Variants in TRAF3IP3 observed in about 807,000 individuals in gnomAD.
TRAF3IP3 encodes the protein TRAF3 interacting protein 3, also known as TRAF3-interacting JNK-activating modulator.
Under a neutral mutation model 86.5 loss-of-function variants are expected in TRAF3IP3, and 64 were observed. That is an observed-to-expected ratio of 0.74 (90% CI 0.60 to 0.91). TRAF3IP3 has a LOEUF of 0.91. Ranked by LOEUF, TRAF3IP3 falls within the 40% of genes least tolerant of loss-of-function variation. The probability of loss-of-function intolerance (pLI) is 0.00; values close to 1 mark genes in which losing one functional copy is unlikely to be tolerated. For synonymous variants in TRAF3IP3, 220 were observed against 243.9 expected, an observed-to-expected ratio of 0.90 and a Z score of 0.91; for missense variants, 579 against 642.9, an observed-to-expected ratio of 0.90 and a Z score of 1.07.
In TRAF3IP3 at chr1:209,782,250, T is replaced by C; in HGVS notation, c.*102T>C. ...TACAGCTTGGGTTTTCCAACTGACT[T>C]AGGATTTCTGACTTTTTATTAATTT... On this transcript the variant is annotated 3_prime_UTR_variant, in exon 17 of 17. Coordinates refer to ENST00000367025, the MANE Select transcript of TRAF3IP3 (RefSeq NM_025228.4). 1.1e-6 allele frequency: 1 copy of C among 879,646 alleles called. No individual in the cohort carries two copies. The highest frequency in any genetic ancestry group is 1.9e-6 in the Non-Finnish European group (1 of 529,840). 54.5% of individuals were successfully genotyped at this position (879,646 alleles called of 1,614,324 possible).
Position 209,779,454 on chromosome 1 carries a change from C to A in TRAF3IP3, c.1312+80C>A, listed in dbSNP as rs2077730830. 16 of 1,229,886 alleles carry A rather than the reference C, an allele frequency of 1.3e-5. No individual in the cohort carries two copies. The East Asian group carries it at 3.8e-4, about 29-fold the overall frequency. The allele number at this position is 1,229,886 out of a possible 1,614,324, so 76.2% of individuals were successfully genotyped here. ...AGAGGCAGCGGGATGGACTACATGA[C>A]CTCCTGGAGTCCCAGCCAGTTCTGG... On this transcript the variant is annotated intron_variant, in intron 14 of 16. Transcript: ENST00000367025.
intron 3 of TRAF3IP3, among the ~76,000 whole-genome samples, chr1:209,762,063 C>G (rs529807027): frequency 2.6e-5 from 2 of 78,360 alleles, no homozygotes; most frequent in South Asian, 6.6e-4. Context: ...ACATTGTCTT[C>G]GTCCTGTAAT....
intron 3 of TRAF3IP3, among the ~76,000 whole-genome samples, chr1:209,762,145 A>G (rs6692012): frequency 0.36 from 54,194 of 151,756 alleles, 12,786 homozygotes; most frequent in African/African-American, 0.68. Flanking sequence ...GGAGTTCTAA[A>G]CCCATGGATT....
At chr1:209,777,618 C>A in intron 12 of TRAF3IP3, 131 bp downstream of exon 12, 1 of 967,046 alleles carries the variant, frequency 1.0e-6, no homozygotes, top group Non-Finnish European at 1.5e-6. Flanking sequence ...GCTTTATAAT[C>A]TCATTTTACC....
intron 10 of TRAF3IP3, 28 bp downstream of exon 10, chr1:209,775,517 C>T: frequency 6.2e-7 from 1 of 1,614,178 alleles, no homozygotes; most frequent in Non-Finnish European, 8.5e-7. Flanking sequence ...AGACATGGGG[C>T]TGGGGACTCC....
At chr1:209,772,621 C>A (rs1480787066) in intron 8 of TRAF3IP3, among the ~76,000 whole-genome samples, 2 of 152,118 alleles carry the variant, frequency 1.3e-5, no homozygotes, top group Non-Finnish European at 2.9e-5. Context: ...AGTGCCTAGA[C>A]AGGGGAGGGA....
chr1:209,769,445 C>A (rs1304961814), intron 8 of TRAF3IP3, among the ~76,000 whole-genome samples: 1 of 152,232 alleles, frequency 6.6e-6, no homozygotes, highest in East Asian at 1.9e-4. Flanking sequence ...TCTCTGCTCT[C>A]CCTCACATGA....
chr1:209,764,620 T>A (rs1394030371), intron 8 of TRAF3IP3, among the ~76,000 whole-genome samples: 1 of 151,770 alleles, frequency 6.6e-6, no homozygotes, highest in Non-Finnish European at 1.5e-5. Context: ...TGCACATGCC[T>A]GTAATCCCAG....
intron 8 of TRAF3IP3, among the ~76,000 whole-genome samples, chr1:209,772,056 A>G (rs980665296): frequency 1.4e-5 from 2 of 138,578 alleles, no homozygotes; most frequent in East Asian, 2.8e-4. Flanking sequence ...TGCACATGTG[A>G]AGGTGTGTGT....
At chr1:209,780,390 A>G (rs2077750111) in intron 14 of TRAF3IP3, 80 bp from the exon 15 acceptor site, 3 of 1,330,188 alleles carry the variant, frequency 2.3e-6, no homozygotes, top group South Asian at 4.2e-5. Context: ...CCCTCTCCCC[A>G]CTCCTAGTGG....
intron 14 of TRAF3IP3, 152 bp downstream of exon 14, chr1:209,779,526 A>T: frequency 1.4e-6 from 1 of 729,984 alleles, no homozygotes; most frequent in South Asian, 1.5e-5. Context: ...AGGACTGATC[A>T]TTGGCTCTGA....
intron 2 of TRAF3IP3, among the ~76,000 whole-genome samples, chr1:209,759,477 G>C (rs946090979): frequency 1.1e-4 from 16 of 152,198 alleles, no homozygotes; most frequent in African/African-American, 3.9e-4. Context: ...CCAGATCCTT[G>C]AGAAGTGTCA....
intron 5 of TRAF3IP3, 72 bp downstream of exon 5, chr1:209,762,942 T>C (rs1410763393): frequency 5.0e-6 from 8 of 1,607,160 alleles, no homozygotes; most frequent in Middle Eastern, 1.6e-4. Flanking sequence ...AATTTCCATG[T>C]CCGCCTTAAT....
Position 209,763,483 on chromosome 1 carries a change from C to T in TRAF3IP3, c.607-9C>T. 2 of 1,613,956 alleles carry T rather than the reference C, an allele frequency of 1.2e-6. No homozygotes were observed. The highest frequency in any genetic ancestry group is 1.1e-5 in the South Asian group (1 of 91,074). On this transcript the variant is annotated splice_polypyrimidine_tract_variant and intron_variant, in intron 7 of 16. Coordinates refer to ENST00000367025, the MANE Select transcript of TRAF3IP3 (RefSeq NM_025228.4). ...CTTACCCTCTTGCACTTTGTGCCCG[C>T]ACCCCCAGGAGGCCCTACAAAGGGA... is the stretch of plus-strand genomic sequence containing the variant.
chr1:209,771,452 T>TGC (rs2077519377), intron 8 of TRAF3IP3, among the ~76,000 whole-genome samples: 1 of 144,782 alleles, frequency 6.9e-6, no homozygotes. Context: ...GAGGTGTGTG[T>TGC]GCATGTGAAG....
intron 11 of TRAF3IP3, chr1:209,776,512 C>T (rs2077657355): frequency 6.6e-6 from 1 of 152,084 alleles, no homozygotes; most frequent in Admixed American, 6.6e-5. Flanking sequence ...AAGGAGTGAA[C>T]CCAGCTGGTC....
chr1:209,768,443 G>A, intron 8 of TRAF3IP3: 1 of 985,558 alleles, frequency 1.0e-6, no homozygotes, highest in African/African-American at 1.7e-5. Flanking sequence ...AACGAGAGCA[G>A]GGCAGCCTTG....
At chr1:209,767,433 C>T (rs577268334) in intron 8 of TRAF3IP3, among the ~76,000 whole-genome samples, 1 of 152,280 alleles carries the variant, frequency 6.6e-6, no homozygotes, top group Non-Finnish European at 1.5e-5. Flanking sequence ...CAGTGTCTCA[C>T]ACCTGTAATC....
chr1:209,771,401 A>C (rs535319159), intron 8 of TRAF3IP3, among the ~76,000 whole-genome samples: 110 of 129,308 alleles, frequency 8.5e-4, no homozygotes, highest in African/African-American at 3.1e-3. Context: ...GTGCATGTGC[A>C]TGTGAAGGTA....
Sources: gnomAD v4.1 joint callset for allele counts (sites outside exome capture counted in the v4.1 genomes callset) on GRCh38, gnomAD v4.1.1 for gene constraint, MANE v1.5 for transcripts, NCBI Gene and HGNC (gene_info 2026-07-23, HGNC 2026-07-21) for gene names.